The following RNGTT variants were observed in gnomAD, a reference collection of about 807,000 sequenced individuals.
RNGTT encodes mRNA-capping enzyme.
RNGTT carries 33 observed loss-of-function variants against 79.3 expected under a neutral mutation model. That is an observed-to-expected ratio of 0.42 (90% confidence interval 0.32 to 0.56). RNGTT has a LOEUF of 0.56. Ranked by LOEUF, RNGTT falls within the 20% of genes least tolerant of loss-of-function variation. The probability of loss-of-function intolerance (pLI) is 0.17; values close to 1 mark genes in which losing one functional copy is unlikely to be tolerated. For missense variants in RNGTT, 497 were observed against 739.1 expected (o/e 0.67, Z 3.80); for synonymous variants, 222 against 235.9 (o/e 0.94, Z 0.54).
intron 14 of RNGTT, among the ~76,000 whole-genome samples, chr6:88,644,979 CAT>C (rs1221122382): frequency 6.6e-6 from 1 of 152,140 alleles, no homozygotes; most frequent in Non-Finnish European, 1.5e-5. Context: ...TCCTATTCAA[CAT>C]AGTGTTGGAA....
intron 8 of RNGTT, among the ~76,000 whole-genome samples, chr6:88,864,332 A>C (rs897099292): frequency 2.0e-5 from 3 of 152,130 alleles, no homozygotes; most frequent in African/African-American, 7.2e-5. Flanking sequence ...GTATAGTTGA[A>C]ATGCAACAAA....
rs913768666 is a variant in RNGTT, at chr6:88,782,287, A to G, written c.1339-12413T>C. Among the ~76,000 whole-genome samples, 32 of 152,088 alleles carry G rather than the reference A, an allele frequency of 2.1e-4. 2 individuals are homozygous for G. Among genetic ancestry groups the G allele is most frequent in the African/African-American group, 7.7e-4 (32 of 41,342 alleles). On this transcript the variant is annotated intron_variant, in intron 12 of 15. Coordinates refer to ENST00000369485, the MANE Select transcript of RNGTT (RefSeq NM_003800.5). ...AAAACAGAGTCATAAAGAAATTGGT[A>G]GAAAAGATATTTGAACCCAAGTATT... is the stretch of plus-strand genomic sequence containing the variant.
chr6:88,858,767 T>A (rs1463351779), intron 8 of RNGTT, among the ~76,000 whole-genome samples: 1 of 152,006 alleles, frequency 6.6e-6, no homozygotes, highest in African/African-American at 2.4e-5. Context: ...TCACATTCAA[T>A]ATGTAGGAGT....
rs1203989620 is a variant in RNGTT at position 88,611,714 on chromosome 6, C to T, written c.*1005G>A. 1 of 152,610 alleles carries T rather than the reference C, an allele frequency of 6.6e-6. No homozygotes were observed. The highest frequency in any genetic ancestry group is 1.5e-5 in the Non-Finnish European group (1 of 68,044). The allele number at this position is 152,610 out of a possible 1,614,324, so 9.5% of individuals were successfully genotyped here. A position where few individuals can be genotyped will look rare whatever the true frequency, so the allele number is the denominator to read the frequency against. ...CTGCATTTATCTAGCAGTGGGAGAGCATTTTCTGGTGACAGCATTCTATTC... is the reference window on the plus strand; with the variant it reads ...CTGCATTTATCTAGCAGTGGGAGAGTATTTTCTGGTGACAGCATTCTATTC... On this transcript the variant is annotated 3_prime_UTR_variant, in exon 16 of 16. Transcript: ENST00000369485.
At chr6:88,870,914 C>A (rs1782331567) in intron 8 of RNGTT, among the ~76,000 whole-genome samples, 1 of 152,190 alleles carries the variant, frequency 6.6e-6, no homozygotes, top group African/African-American at 2.4e-5. Context: ...ACCTGGTCCT[C>A]TGCTGCCATC....
At chr6:88,790,450 C>T (rs963587881) in intron 12 of RNGTT, among the ~76,000 whole-genome samples, 7 of 152,116 alleles carry the variant, frequency 4.6e-5, no homozygotes, top group African/African-American at 1.7e-4. Flanking sequence ...AAGAGAAAAA[C>T]TGAAACTGCA....
intron 11 of RNGTT, among the ~76,000 whole-genome samples, chr6:88,835,096 A>G (rs1781019576): frequency 6.6e-6 from 1 of 152,148 alleles, no homozygotes; most frequent in Non-Finnish European, 1.5e-5. Context: ...ATTTAAAAAT[A>G]TTTTCCACAT....
Position 88,628,598 on chromosome 6 carries a change from A to AT in RNGTT, c.1507-14204dup, listed in dbSNP as rs558899434. ...TTTACTTTTTAAATTATTGACTAAGATTTTTTCCTTCATAGGGAAAGGAAG... is the reference window on the plus strand; with the variant it reads ...TTTACTTTTTAAATTATTGACTAAGATTTTTTTCCTTCATAGGGAAAGGAAG... On this transcript the variant is annotated intron_variant, in intron 14 of 15. Transcript: ENST00000369485. 1.6e-3 allele frequency among the ~76,000 whole-genome samples: 240 copies of AT among 152,246 alleles called. 1 individual carries two copies. Among genetic ancestry groups the AT allele is most frequent in the African/African-American group, 5.5e-3 (228 of 41,562 alleles).
intron 13 of RNGTT, among the ~76,000 whole-genome samples, chr6:88,680,072 C>CA (rs1775033717): frequency 6.6e-6 from 1 of 151,998 alleles, no homozygotes; most frequent in Non-Finnish European, 1.5e-5. Flanking sequence ...AGAGTCAAAA[C>CA]AAAAAACTAA....
At chr6:88,824,804 T>C (rs1780605473) in intron 11 of RNGTT, among the ~76,000 whole-genome samples, 1 of 151,582 alleles carries the variant, frequency 6.6e-6, no homozygotes, top group Non-Finnish European at 1.5e-5. Flanking sequence ...CAGGCTGGAA[T>C]GCAGTGGTGC....
chr6:88,864,760 T>C (rs1782116117), intron 8 of RNGTT, among the ~76,000 whole-genome samples: 1 of 152,088 alleles, frequency 6.6e-6, no homozygotes, highest in Admixed American at 6.6e-5. Flanking sequence ...ATATTCAGCC[T>C]TTAAAAGGAA....
intron 7 of RNGTT, 59 bp from the exon 8 acceptor site, chr6:88,890,655 C>T: frequency 9.2e-7 from 1 of 1,090,408 alleles, no homozygotes; most frequent in Non-Finnish European, 1.4e-6. Flanking sequence ...CAATACATGT[C>T]TTAAACCAAT....
chr6:88,802,251 T>A (rs554893798), intron 11 of RNGTT, among the ~76,000 whole-genome samples: 1 of 152,314 alleles, frequency 6.6e-6, no homozygotes, highest in African/African-American at 2.4e-5. Context: ...CCTTAGAGAA[T>A]GTTTTTAATC....
intron 11 of RNGTT, 36 bp from the exon 12 acceptor site, chr6:88,801,668 T>C (rs772550399): frequency 6.8e-6 from 9 of 1,331,152 alleles, no homozygotes; most frequent in South Asian, 2.4e-5. Flanking sequence ...TTTAAAAATA[T>C]AATAATCACT....
intron 2 of RNGTT, among the ~76,000 whole-genome samples, chr6:88,932,240 T>C (rs1441314692): frequency 6.6e-6 from 1 of 152,152 alleles, no homozygotes; most frequent in Non-Finnish European, 1.5e-5. Context: ...CCAGGCTTGC[T>C]AGGATTAGGA....
At chr6:88,696,652 T>C (rs1466624591) in intron 13 of RNGTT, among the ~76,000 whole-genome samples, 1 of 151,298 alleles carries the variant, frequency 6.6e-6, no homozygotes, top group Non-Finnish European at 1.5e-5. Flanking sequence ...TAAAGTGCAT[T>C]TGTTAAAAGG....
At chr6:88,651,629 A>C (rs1340996238) in intron 14 of RNGTT, among the ~76,000 whole-genome samples, 1 of 152,080 alleles carries the variant, frequency 6.6e-6, no homozygotes, top group East Asian at 1.9e-4. Context: ...TCAGATTTCC[A>C]AAAATATATC....
intron 13 of RNGTT, among the ~76,000 whole-genome samples, chr6:88,730,318 T>C (rs1430844119): frequency 6.6e-6 from 1 of 152,174 alleles, no homozygotes; most frequent in African/African-American, 2.4e-5. Context: ...CCACTCACCC[T>C]GTCACTCTCT....
At chr6:88,653,673 G>T (rs531451567) in intron 14 of RNGTT, among the ~76,000 whole-genome samples, 1 of 152,086 alleles carries the variant, frequency 6.6e-6, no homozygotes, top group South Asian at 2.1e-4. Flanking sequence ...TAGAACCAGA[G>T]CTTTTAAATA....
Sources: allele counts gnomAD v4.1 joint callset (sites outside exome capture counted in the v4.1 genomes callset), GRCh38; gene constraint gnomAD v4.1.1; transcripts MANE v1.5; gene names NCBI Gene and HGNC (gene_info 2026-07-23, HGNC 2026-07-21).